The following MCM10 variants were observed in gnomAD, a reference collection of about 807,000 sequenced individuals.
MCM10 encodes the protein minichromosome maintenance 10 replication initiation factor.
In MCM10, 91 loss-of-function variants were observed where a neutral mutation model predicts 109.9. The observed-to-expected ratio is 0.83, with a 90% CI of 0.70 to 0.99. The LOEUF (loss-of-function observed/expected upper bound fraction) is 0.99, where lower values mean the gene tolerates loss of function less well. Ranked by LOEUF, MCM10 falls within the 50% of genes least tolerant of loss-of-function variation. The probability of loss-of-function intolerance (pLI) is 0.00; values close to 1 mark genes in which losing one functional copy is unlikely to be tolerated. For synonymous variants in MCM10, 380 were observed against 387.2 expected (o/e 0.98, Z 0.22); for missense variants, 1,077 against 1,061.2 (o/e 1.01, Z -0.21).
chr10:13,210,102 G>A lies in MCM10; in HGVS notation c.*792G>A, dbSNP rs527399392. ...AGGGTCTCACTATGTCACCCTGGCT[G>A]GAGTGCAGTAGTGCGATCGCGGCAC... On this transcript the variant is annotated 3_prime_UTR_variant, in exon 20 of 20. Transcript: ENST00000378714. 96 of 151,652 alleles carry A rather than the reference G, an allele frequency of 6.3e-4. No homozygotes were observed. Among genetic ancestry groups the A allele is most frequent in the African/African-American group, 2.2e-3 (93 of 41,350 alleles). 9.4% of individuals were successfully genotyped at this position (151,652 alleles called of 1,614,324 possible).
intron 9 of MCM10, among the ~76,000 whole-genome samples, chr10:13,187,651 T>C (rs374546336): frequency 2.6e-4 from 39 of 152,340 alleles, no homozygotes; most frequent in Non-Finnish European, 4.6e-4. Context: ...TTATAGCCAT[T>C]GTAGTAGGTG....
chr10:13,197,652 A>T lies in MCM10; in HGVS notation c.2004A>T (p.Lys668Asn). 6.2e-7 allele frequency: 1 copy of T among 1,613,768 alleles called. No homozygotes were observed. Among genetic ancestry groups the T allele is most frequent in the Non-Finnish European group, 8.5e-7 (1 of 1,179,920 alleles). Residue 668 changes from lysine (K) to asparagine (N), a missense_variant, in exon 15 of 20, where the codon AAA becomes AAT. By Grantham distance (94) the Lys-to-Asn change is moderately conservative (BLOSUM62 0). Coordinates refer to ENST00000378714, the MANE Select transcript of MCM10 (RefSeq NM_018518.5). Reference sequence around the variant, plus strand: ...CTGCTATCACCAAATTAAGGGCAAAAGGCCAGGTTCTTACAAAAACAAACC... The same window carrying T: ...CTGCTATCACCAAATTAAGGGCAAATGGCCAGGTTCTTACAAAAACAAACC... ...KLAAITKLRA[K>N]GQVLTKTNPN...
chr10:13,205,007 T>C (rs1834556834), intron 18 of MCM10, among the ~76,000 whole-genome samples: 1 of 3,664 alleles, frequency 2.7e-4, no homozygotes, highest in African/African-American at 5.9e-4. Context: ...TGTATGTATA[T>C]ATATATATAT....
At chr10:13,191,783 A>C (rs1834350965) in intron 11 of MCM10, among the ~76,000 whole-genome samples, 1 of 152,214 alleles carries the variant, frequency 6.6e-6, no homozygotes, top group African/African-American at 2.4e-5. Flanking sequence ...TTCTTGGTGT[A>C]TCTGGGTCCA....
chr10:13,172,883 A>C lies in MCM10; in HGVS notation c.592+118A>C. ...GTCTGTCTTATGTCCCCATTGAGAA[A>C]GAAAGTTTCTTGGGAATGGAAGCCA... On this transcript the variant is annotated intron_variant, in intron 5 of 19. Coordinates refer to ENST00000378714, the MANE Select transcript of MCM10 (RefSeq NM_018518.5). This position sits in a 1 kb window ranked among gnomAD's most constrained non-coding sequence, Gnocchi z 5.2. The C allele has an allele frequency of 1.1e-6, 1 of 934,520 alleles. No homozygotes were observed. Among genetic ancestry groups the C allele is most frequent in the Admixed American group, 2.9e-5 (1 of 34,618 alleles). The allele number at this position is 934,520 out of a possible 1,614,324, so 57.9% of individuals were successfully genotyped here.
In MCM10 at chr10:13,204,383, G is replaced by A; in HGVS notation, c.2498+19G>A. 1 of 1,612,716 alleles carries A rather than the reference G, an allele frequency of 6.2e-7. No homozygotes were observed. The highest frequency in any genetic ancestry group is 8.5e-7 in the Non-Finnish European group (1 of 1,179,032). ...ACTGCAGGTATGAGAATCACCTGGA[G>A]CTCTTTGTCCCACGTGGGGATTTTC... On this transcript the variant is annotated intron_variant, in intron 18 of 19. Transcript: ENST00000378714.
intron 2 of MCM10, among the ~76,000 whole-genome samples, chr10:13,164,524 G>C (rs1234690414): frequency 1.3e-5 from 2 of 152,218 alleles, no homozygotes; most frequent in East Asian, 3.8e-4. Flanking sequence ...GTATTTTATA[G>C]GCAGAAAAAC....
At chr10:13,192,921 T>G (rs1471697093) in intron 13 of MCM10, among the ~76,000 whole-genome samples, 2 of 152,010 alleles carry the variant, frequency 1.3e-5, no homozygotes, top group East Asian at 3.9e-4. Flanking sequence ...GTTTTCACTC[T>G]GTCACCCCAG....
intron 3 of MCM10, 91 bp downstream of exon 3, chr10:13,171,354 C>A: frequency 8.7e-7 from 1 of 1,149,234 alleles, no homozygotes; most frequent in Non-Finnish European, 1.2e-6. Context: ...GCTGCTGATT[C>A]AAGGGTAGAG....
chr10:13,201,701 G>A, intron 17 of MCM10, 167 bp downstream of exon 17: 1 of 601,626 alleles, frequency 1.7e-6, no homozygotes, highest in Non-Finnish European at 3.0e-6. Flanking sequence ...CTTCCTGCCT[G>A]ACCTGGCTGC....
chr10:13,170,357 G>A (rs558434645), intron 2 of MCM10, among the ~76,000 whole-genome samples: 1 of 146,960 alleles, frequency 6.8e-6, no homozygotes, highest in Non-Finnish European at 1.5e-5. Context: ...TTTTTATATA[G>A]TTTGTATCTT....
At chr10:13,197,207 AC>A (rs1213327765) in intron 14 of MCM10, among the ~76,000 whole-genome samples, 1 of 152,198 alleles carries the variant, frequency 6.6e-6, no homozygotes, top group Non-Finnish European at 1.5e-5. Context: ...ACAATGAGCT[AC>A]CATGCCAAGC....
intron 1 of MCM10, among the ~76,000 whole-genome samples, chr10:13,161,916 A>G (rs1175105272): frequency 2.9e-5 from 4 of 139,902 alleles, no homozygotes; most frequent in African/African-American, 1.1e-4. Flanking sequence ...TCATTCATTC[A>G]TTGGTTTCTC....
rs61752697 is a variant in MCM10 at position 13,171,221 on chromosome 10, G to C, written c.307G>C (p.Ala103Pro). The change falls in exon 3 of 20, where the codon GCT becomes CCT. Residue 103 changes from alanine (A) to proline (P), a missense_variant. Ala to Pro is a conservative substitution (Grantham distance 27). Transcript: ENST00000378714. ...SQSTENRVLP[A>P]PAPRREKTNE... is the part of the protein sequence containing the mutation. Reference sequence around the variant, plus strand: ...GTCAACTGAAAATAGGGTCCTCCCTGCTCCTGCCCCCAGGCGAGAGAAAAC... The same window carrying C: ...GTCAACTGAAAATAGGGTCCTCCCTCCTCCTGCCCCCAGGCGAGAGAAAAC... The C allele has an allele frequency of 6.2e-7, 1 of 1,613,546 alleles. No individual in the cohort carries two copies. Among genetic ancestry groups the C allele is most frequent in the African/African-American group, 1.3e-5 (1 of 74,944 alleles).
chr10:13,193,658 G>C (rs1245978130), intron 13 of MCM10, among the ~76,000 whole-genome samples: 2 of 152,116 alleles, frequency 1.3e-5, no homozygotes, highest in African/African-American at 4.8e-5. Flanking sequence ...GAATGGGTTT[G>C]GTCTCAGGCA....
intron 16 of MCM10, among the ~76,000 whole-genome samples, chr10:13,200,252 G>C (rs1834479623): frequency 6.6e-6 from 1 of 152,050 alleles, no homozygotes; most frequent in African/African-American, 2.4e-5. Context: ...GTTTAATCAG[G>C]TTCCCCATCC....
chr10:13,197,519 GA>G (rs769032337), intron 14 of MCM10, 103 bp from the exon 15 acceptor site: 29 of 1,009,896 alleles, frequency 2.9e-5, no homozygotes, highest in Non-Finnish European at 3.8e-5. Flanking sequence ...TTCTGTCAGA[GA>G]ACAGCCAGAA....
intron 13 of MCM10, among the ~76,000 whole-genome samples, chr10:13,193,742 C>T (rs1320237375): frequency 5.3e-5 from 8 of 152,090 alleles, no homozygotes; most frequent in East Asian, 3.8e-4. Context: ...AAATTATATA[C>T]GTGGACACAG....
At chr10:13,178,885 T>C (rs1346363355) in intron 6 of MCM10, among the ~76,000 whole-genome samples, 3 of 152,230 alleles carry the variant, frequency 2.0e-5, no homozygotes, top group African/African-American at 7.2e-5. Flanking sequence ...ATTTCTTGCA[T>C]CAATGTCTTT....
Sources: gnomAD v4.1 joint callset for allele counts (sites outside exome capture counted in the v4.1 genomes callset) on GRCh38, gnomAD v4.1.1 for gene constraint, Gnocchi (gnomAD v3.1) non-coding constraint, MANE v1.5 for transcripts, NCBI Gene and HGNC (gene_info 2026-07-23, HGNC 2026-07-21) for gene names.